Variants in SEMA3A observed in about 807,000 individuals in gnomAD.
The protein encoded by SEMA3A is semaphorin-3A.
Under a neutral mutation model 97.9 loss-of-function variants are expected in SEMA3A, and 29 were observed. The observed-to-expected ratio is 0.30, with a 90% confidence interval of 0.22 to 0.40. The LOEUF (loss-of-function observed/expected upper bound fraction) is 0.40, where lower values mean the gene tolerates loss of function less well. Among genes scored for constraint, SEMA3A ranks in the 10% least tolerant of loss-of-function variants. The pLI is 1.00. For missense variants in SEMA3A, 763 were observed against 951.3 expected, an observed-to-expected ratio of 0.80 and a Z score of 2.60; for synonymous variants, 321 against 323.7, an observed-to-expected ratio of 0.99 and a Z score of 0.09.
At chr7:84,064,879 A>G (rs1232605160) in intron 4 of SEMA3A, among the ~76,000 whole-genome samples, 2 of 152,106 alleles carry the variant, frequency 1.3e-5, no homozygotes, top group Non-Finnish European at 2.9e-5. Context: ...AAAGTCAACA[A>G]GGATACCCAG....
intron 1 of SEMA3A, among the ~76,000 whole-genome samples, chr7:84,191,535 G>A (rs1251716981): frequency 6.6e-6 from 1 of 151,702 alleles, no homozygotes; most frequent in Non-Finnish European, 1.5e-5. Flanking sequence ...AGACTTCATT[G>A]TATCACATAT....
At chr7:84,407,740 C>T (rs190212050) in intron 1 of SEMA3A, among the ~76,000 whole-genome samples, 1 of 152,238 alleles carries the variant, frequency 6.6e-6, no homozygotes, top group African/African-American at 2.4e-5. Flanking sequence ...AATAATGCCA[C>T]ATATCTACAA....
intron 2 of SEMA3A, among the ~76,000 whole-genome samples, chr7:84,345,277 G>C (rs922007945): frequency 6.6e-6 from 1 of 152,200 alleles, no homozygotes; most frequent in African/African-American, 2.4e-5. Flanking sequence ...TGAGCCTTAA[G>C]TGAATCATAA....
At chr7:84,446,324 A>G (rs1230899048) in intron 1 of SEMA3A, among the ~76,000 whole-genome samples, 1 of 152,198 alleles carries the variant, frequency 6.6e-6, no homozygotes, top group African/African-American at 2.4e-5. Flanking sequence ...ATAACATTCT[A>G]TGAGGCCAGT....
At chr7:84,056,818 T>G (rs947288570) in intron 5 of SEMA3A, among the ~76,000 whole-genome samples, 3 of 152,166 alleles carry the variant, frequency 2.0e-5, no homozygotes, top group South Asian at 2.1e-4. Context: ...AATGTAAAAT[T>G]TATAAGGTAC....
intron 6 of SEMA3A, among the ~76,000 whole-genome samples, chr7:84,033,969 GC>G (rs1791853075): frequency 6.8e-6 from 1 of 146,210 alleles, no homozygotes; most frequent in South Asian, 2.2e-4. Flanking sequence ...TTCAACTTTG[GC>G]AATTTTTTGT....
intron 11 of SEMA3A, among the ~76,000 whole-genome samples, chr7:84,004,663 C>T (rs952182665): frequency 6.6e-6 from 1 of 152,082 alleles, no homozygotes; most frequent in South Asian, 2.1e-4. Context: ...TGATTGCTTA[C>T]CTAATCATTA....
At position 84,327,985 on chromosome 7, in the gene SEMA3A, A is replaced by T. The variant is rs145707560; in HGVS notation, c.-168-20693T>A. On this transcript the variant is annotated intron_variant, in intron 2 of 3. Transcript: ENST00000424555. ...AATTAATCAAACAGAAAGATAATTT[A>T]TAGTAGTTCTAACTTATTGGGATAA... 2.0e-3 allele frequency among the ~76,000 whole-genome samples: 310 copies of T among 152,160 alleles called. 1 individual carries two copies. The highest frequency in any genetic ancestry group is 7.3e-3 in the African/African-American group (303 of 41,546).
chr7:84,113,824 T>A (rs1795345373), intron 3 of SEMA3A, among the ~76,000 whole-genome samples: 1 of 152,140 alleles, frequency 6.6e-6, no homozygotes, highest in Non-Finnish European at 1.5e-5. Context: ...AGGGCAGTTA[T>A]AAACCAGTAA....
intron 12 of SEMA3A, among the ~76,000 whole-genome samples, chr7:83,999,358 T>A (rs1381555728): frequency 6.6e-6 from 1 of 152,046 alleles, no homozygotes; most frequent in African/African-American, 2.4e-5. Context: ...TCCCTGGAGA[T>A]ATAAATAATA....
intron 2 of SEMA3A, among the ~76,000 whole-genome samples, chr7:84,357,171 G>A (rs559699574): frequency 2.0e-5 from 3 of 150,702 alleles, no homozygotes; most frequent in Non-Finnish European, 4.4e-5. Flanking sequence ...GGGTACATGT[G>A]CACAACATGC....
chr7:84,324,066 A>G (rs926825879), intron 2 of SEMA3A, among the ~76,000 whole-genome samples: 1 of 152,220 alleles, frequency 6.6e-6, no homozygotes, highest in African/African-American at 2.4e-5. Flanking sequence ...CACAATGTCA[A>G]AACGTGTAAA....
chr7:84,304,382 A>G (rs1272471502), intron 3 of SEMA3A, among the ~76,000 whole-genome samples: 1 of 152,094 alleles, frequency 6.6e-6, no homozygotes, highest in Admixed American at 6.6e-5. Context: ...CTTGCCAAAT[A>G]AAGAATGCTT....
chr7:84,304,863 C>T (rs988643755), intron 3 of SEMA3A, among the ~76,000 whole-genome samples: 4 of 152,002 alleles, frequency 2.6e-5, no homozygotes, highest in African/African-American at 9.7e-5. Flanking sequence ...TTGTTATCCA[C>T]ATATTTTCAA....
intron 4 of SEMA3A, among the ~76,000 whole-genome samples, chr7:84,109,986 A>G (rs1168913399): frequency 6.6e-6 from 1 of 152,196 alleles, no homozygotes; most frequent in Non-Finnish European, 1.5e-5. Context: ...CGAAAAATAT[A>G]CAATCAAAGC....
At chr7:84,150,923 T>TCCCTGAC (rs1386161032) in intron 1 of SEMA3A, among the ~76,000 whole-genome samples, 4 of 149,690 alleles carry the variant, frequency 2.7e-5, no homozygotes, top group Non-Finnish European at 4.5e-5. Flanking sequence ...CTCAAGTGGG[T>TCCCTGAC]CCCTGACCCC....
At chr7:84,211,988 T>C (rs1227332621) in intron 3 of SEMA3A, among the ~76,000 whole-genome samples, 1 of 152,190 alleles carries the variant, frequency 6.6e-6, no homozygotes, top group East Asian at 1.9e-4. Context: ...GAAAGTAATG[T>C]CATGCATATC....
At chr7:83,981,580 T>C (rs1253594567) in intron 13 of SEMA3A, 102 bp from the exon 14 acceptor site, 18 of 1,019,448 alleles carry the variant, frequency 1.8e-5, no homozygotes, top group Non-Finnish European at 2.4e-5. Flanking sequence ...CAGAGATAAA[T>C]TAAGGGTTTA....
chr7:84,053,856 G>T lies in SEMA3A; in HGVS notation c.547+6609C>A, dbSNP rs1456366429. The stretch of plus-strand genomic sequence containing the variant: ...GATTTTGCAGTGGCTGGTACCGGTT[G>T]TTCCTTTCCATGTTTAGCGCTTCCT... On this transcript the variant is annotated intron_variant, in intron 5 of 16. Transcript: ENST00000265362. Among the ~76,000 whole-genome samples, 3 of 110,788 alleles carry T rather than the reference G, an allele frequency of 2.7e-5. 1 individual carries two copies. The highest frequency in any genetic ancestry group is 3.2e-4 in the South Asian group (1 of 3,140). The allele number at this position is 110,788 out of a possible 152,430, so 72.7% of individuals were successfully genotyped here. A position where few individuals can be genotyped will look rare whatever the true frequency, so the allele number is the denominator to read the frequency against.
Sources: allele counts gnomAD v4.1 joint callset (sites outside exome capture counted in the v4.1 genomes callset), GRCh38; gene constraint gnomAD v4.1.1; transcripts MANE v1.5; gene names NCBI Gene and HGNC (gene_info 2026-07-23, HGNC 2026-07-21).